The following OSBPL8 variants were observed in gnomAD, a reference collection of about 807,000 sequenced individuals.
The protein encoded by OSBPL8 is oxysterol-binding protein-related protein 8.
A neutral mutation model predicts 125.5 loss-of-function variants in OSBPL8; 59 were observed. The ratio of observed to expected loss-of-function variants is 0.47; its 90% CI spans 0.38 to 0.58. The LOEUF (loss-of-function observed/expected upper bound fraction) is 0.58. Among genes scored for constraint, OSBPL8 ranks in the 20% least tolerant of loss-of-function variants. The pLI is 0.00. For synonymous variants in OSBPL8, 330 were observed against 338.9 expected (o/e 0.97, Z 0.29); for missense variants, 758 against 1,047.8 (o/e 0.72, Z 3.82).
Position 76,397,808 on chromosome 12 carries a change from C to G in OSBPL8, c.558G>C (p.Gln186His), listed in dbSNP as rs1953876252. Residue 186 changes from glutamine to histidine, a missense_variant, in exon 8 of 24, where the codon CAG (glutamine) becomes CAC (histidine). Around this residue, in one of 3 missense-constraint regions of OSBPL8, gnomAD observed 69 missense variants for 148.7 expected, o/e 0.46. Coordinates refer to ENST00000261183, the MANE Select transcript of OSBPL8 (RefSeq NM_020841.5). ...LLIYKTQKNG[Q>H]WVGTVLLNAC... The stretch of plus-strand genomic sequence containing the variant: ...CATTCAGAAGAACTGTTCCTACCCA[C>G]TGACCATTTTTTTGGGTTTTATAGA... 1 of 1,614,088 alleles carries G rather than the reference C, an allele frequency of 6.2e-7. No homozygotes were observed. The highest frequency in any genetic ancestry group is 8.5e-7 in the Non-Finnish European group (1 of 1,179,996).
At chr12:76,454,790 C>G (rs1487120850) in intron 3 of OSBPL8, among the ~76,000 whole-genome samples, 2 of 148,064 alleles carry the variant, frequency 1.4e-5, no homozygotes, top group East Asian at 3.9e-4. Context: ...TAAACCATGA[C>G]ACCATTCTTT....
chr12:76,358,506 T>C (rs554739195), intron 22 of OSBPL8, among the ~76,000 whole-genome samples, 200 bp downstream of exon 22: 1 of 152,134 alleles, frequency 6.6e-6, no homozygotes, highest in Admixed American at 6.5e-5. Flanking sequence ...TATTTAGATG[T>C]CTCCCCTTTT....
rs547393181 is a variant in OSBPL8, at chr12:76,366,632, G to C, written c.2328+2582C>G. 15 of 429,570 alleles carry C rather than the reference G, an allele frequency of 3.5e-5. No individual in the cohort carries two copies. In the East Asian group the frequency reaches 9.9e-4, roughly 28 times the overall value. 26.6% of individuals were successfully genotyped at this position (429,570 alleles called of 1,614,324 possible). ...TCCAGTTTCTCACGGAATGAAGTAA[G>C]GTTATTGATTTGAGATCTCTCTTAA... is the stretch of plus-strand genomic sequence containing the variant. On this transcript the variant is annotated intron_variant, in intron 21 of 23. Coordinates refer to ENST00000261183, the MANE Select transcript of OSBPL8 (RefSeq NM_020841.5).
chr12:76,503,987 C>CT (rs1035006764), intron 1 of OSBPL8, among the ~76,000 whole-genome samples: 39 of 142,704 alleles, frequency 2.7e-4, no homozygotes, highest in South Asian at 1.1e-3. Flanking sequence ...GCTGTGAAGA[C>CT]TTTTTTTTTT....
chr12:76,407,652 T>G (rs547630196), intron 5 of OSBPL8, among the ~76,000 whole-genome samples: 1 of 152,336 alleles, frequency 6.6e-6, no homozygotes, highest in African/African-American at 2.4e-5. Flanking sequence ...AAGTTTCAGC[T>G]CTTGGAAAAT....
intron 1 of OSBPL8, among the ~76,000 whole-genome samples, chr12:76,506,529 A>T (rs1880432645): frequency 6.6e-6 from 1 of 152,234 alleles, no homozygotes; most frequent in Non-Finnish European, 1.5e-5. Flanking sequence ...TGAATTAATG[A>T]ATCCTGATTT....
chr12:76,427,973 T>C (rs1370800731), intron 4 of OSBPL8, among the ~76,000 whole-genome samples: 2 of 152,040 alleles, frequency 1.3e-5, no homozygotes, highest in South Asian at 2.1e-4. Context: ...AGTTGTTTCA[T>C]GTTGTTTTAG....
chr12:76,453,146 A>T (rs975428312), intron 3 of OSBPL8, among the ~76,000 whole-genome samples: 1 of 152,246 alleles, frequency 6.6e-6, no homozygotes, highest in East Asian at 1.9e-4. Context: ...AAATTCCATG[A>T]GAGAAGGAAG....
chr12:76,358,186 T>TC (rs1468768256), intron 22 of OSBPL8, among the ~76,000 whole-genome samples: 4 of 147,998 alleles, frequency 2.7e-5, no homozygotes, highest in Admixed American at 6.7e-5. Context: ...TTTTTTTTTT[T>TC]TTTTTTTTTT....
At chr12:76,455,604 A>G (rs1457453603) in intron 3 of OSBPL8, among the ~76,000 whole-genome samples, 2 of 152,212 alleles carry the variant, frequency 1.3e-5, no homozygotes, top group Non-Finnish European at 2.9e-5. Flanking sequence ...CAGAAACAGC[A>G]GTATACAGAG....
chr12:76,372,037 C>T (rs146962728), intron 18 of OSBPL8, among the ~76,000 whole-genome samples: 8 of 152,290 alleles, frequency 5.3e-5, no homozygotes, highest in South Asian at 2.1e-4. Context: ...CTATCTCTAT[C>T]GAATAATCTT....
chr12:76,478,688 A>G (rs924765388), intron 2 of OSBPL8, among the ~76,000 whole-genome samples: 2 of 152,228 alleles, frequency 1.3e-5, no homozygotes, highest in African/African-American at 4.8e-5. Flanking sequence ...CTCACACAAT[A>G]GGTAATACTG....
At chr12:76,405,158 T>G (rs1396743488) in intron 5 of OSBPL8, among the ~76,000 whole-genome samples, 1 of 152,144 alleles carries the variant, frequency 6.6e-6, no homozygotes, top group African/African-American at 2.4e-5. Flanking sequence ...TCTATCTTTA[T>G]GAACAAGGAG....
At chr12:76,379,204 G>A (rs755246434) in intron 15 of OSBPL8, among the ~76,000 whole-genome samples, 1 of 152,042 alleles carries the variant, frequency 6.6e-6, no homozygotes. Context: ...TTTTTTAGCT[G>A]TAAGTCACAT....
intron 17 of OSBPL8, among the ~76,000 whole-genome samples, chr12:76,374,877 A>G (rs1209962145): frequency 6.6e-6 from 1 of 152,190 alleles, no homozygotes; most frequent in East Asian, 1.9e-4. Flanking sequence ...AGAAATAGTG[A>G]CTAATACAAC....
At chr12:76,522,749 C>T (rs1195372312) in intron 1 of OSBPL8, among the ~76,000 whole-genome samples, 1 of 152,132 alleles carries the variant, frequency 6.6e-6, no homozygotes, top group Non-Finnish European at 1.5e-5. Flanking sequence ...ATCACCCAGC[C>T]TCAAGCATTA....
chr12:76,548,942 T>C (rs1950861131), intron 1 of OSBPL8, among the ~76,000 whole-genome samples: 7 of 151,946 alleles, frequency 4.6e-5, no homozygotes, highest in Admixed American at 4.6e-4. Flanking sequence ...GGAGATAAAT[T>C]AGACACAAGG....
intron 15 of OSBPL8, among the ~76,000 whole-genome samples, chr12:76,383,865 C>T (rs1953168991): frequency 6.6e-6 from 1 of 152,032 alleles, no homozygotes; most frequent in Non-Finnish European, 1.5e-5. Context: ...CTGACTGACC[C>T]TGGGCCAGGT....
chr12:76,444,661 A>G (rs979216621), intron 4 of OSBPL8, among the ~76,000 whole-genome samples: 2 of 152,226 alleles, frequency 1.3e-5, no homozygotes, highest in Non-Finnish European at 2.9e-5. Context: ...GCCTAAATTT[A>G]TGCTCTCAAT....
Sources: allele counts gnomAD v4.1 joint callset (sites outside exome capture counted in the v4.1 genomes callset), GRCh38; gene constraint gnomAD v4.1.1; regional missense constraint gnomAD v4.1.1; transcripts MANE v1.5; gene names NCBI Gene and HGNC (gene_info 2026-07-23, HGNC 2026-07-21).